Variants in GALNT18 observed in about 807,000 individuals in gnomAD.
The protein encoded by GALNT18 is GalNAc-transferase 18.
In GALNT18, 44 loss-of-function variants were observed where a neutral mutation model predicts 69.5. That is an observed-to-expected ratio of 0.63 (90% confidence interval 0.50 to 0.81). GALNT18 has a LOEUF of 0.81. GALNT18 is among the 40% of genes least tolerant of loss of function. The probability of loss-of-function intolerance (pLI) is 0.00; values close to 1 mark genes in which losing one functional copy is unlikely to be tolerated. For missense variants in GALNT18, 715 were observed against 810.0 expected (o/e 0.88, Z 1.42); for synonymous variants, 364 against 318.2 (o/e 1.14, Z -1.53).
intron 1 of GALNT18, among the ~76,000 whole-genome samples, chr11:11,567,718 T>C (rs555187772): frequency 7.7e-4 from 118 of 152,318 alleles, no homozygotes; most frequent in African/African-American, 2.8e-3. Context: ...CCACAAGGGA[T>C]ACATGGCATT....
intron 9 of GALNT18, among the ~76,000 whole-genome samples, chr11:11,326,107 C>A (rs569499977): frequency 7.0e-6 from 1 of 142,704 alleles, no homozygotes; most frequent in African/African-American, 2.6e-5. Context: ...TGCAGTAGTG[C>A]GATCTCAGCT....
chr11:11,544,061 G>T (rs1309346598), intron 1 of GALNT18, among the ~76,000 whole-genome samples: 1 of 152,254 alleles, frequency 6.6e-6, no homozygotes, highest in Admixed American at 6.5e-5. Flanking sequence ...CCCAGGCTGT[G>T]CCAGCCCCTC....
chr11:11,271,058 T>G lies in GALNT18; in HGVS notation c.*86A>C. The stretch of plus-strand genomic sequence containing the variant: ...GGCCCACTAACCTGGTTCCCCAGAC[T>G]CCAAACAACCCCACGTGGACAGCAG... On this transcript the variant is annotated 3_prime_UTR_variant, in exon 11 of 11. Transcript: ENST00000227756. The G allele has an allele frequency of 7.5e-7, 1 of 1,333,802 alleles. No homozygotes were observed. The allele number at this position is 1,333,802 out of a possible 1,614,324, so 82.6% of individuals were successfully genotyped here. A position where few individuals can be genotyped will look rare whatever the true frequency, so the allele number is the denominator to read the frequency against.
chr11:11,548,671 G>A (rs776431432), intron 1 of GALNT18, among the ~76,000 whole-genome samples: 1 of 152,240 alleles, frequency 6.6e-6, no homozygotes, highest in Non-Finnish European at 1.5e-5. Flanking sequence ...TCTGAATGCA[G>A]TAAGCCTCAG....
intron 1 of GALNT18, among the ~76,000 whole-genome samples, chr11:11,467,385 C>T (rs1031357450): frequency 1.3e-5 from 2 of 152,222 alleles, no homozygotes; most frequent in African/African-American, 2.4e-5. Flanking sequence ...CCCTTTCTTA[C>T]CCAGAGCCAG....
rs187013061 is a variant in GALNT18, at chr11:11,538,109, C to A, written c.235+83250G>T. On this transcript the variant is annotated intron_variant, in intron 1 of 10. Coordinates refer to ENST00000227756, the MANE Select transcript of GALNT18 (RefSeq NM_198516.3). The surrounding 1 kb of genome is among the most constrained non-coding windows in gnomAD (Gnocchi z 5.2). Reference sequence around the variant, plus strand: ...CACACCTCTGTGCTGGAGTTATCATCGACCTTGTTTTGCAGAGGGTGAAAT... The same window carrying A: ...CACACCTCTGTGCTGGAGTTATCATAGACCTTGTTTTGCAGAGGGTGAAAT... 6.6e-6 allele frequency among the ~76,000 whole-genome samples: 1 copy of A among 152,188 alleles called. No individual in the cohort carries two copies. Among genetic ancestry groups the A allele is most frequent in the Non-Finnish European group, 1.5e-5 (1 of 68,034 alleles).
chr11:11,475,652 T>G (rs893740916), intron 1 of GALNT18: 3 of 152,260 alleles, frequency 2.0e-5, no homozygotes, highest in Non-Finnish European at 4.4e-5. Flanking sequence ...CCAACAATAC[T>G]GCTAGCCAGC....
intron 3 of GALNT18, among the ~76,000 whole-genome samples, chr11:11,429,618 C>T (rs1022327545): frequency 7.4e-6 from 1 of 134,900 alleles, no homozygotes; most frequent in African/African-American, 3.0e-5. Flanking sequence ...GAGGATTTAT[C>T]ATCTCCATTT....
chr11:11,275,278 C>G (rs1219681998), intron 10 of GALNT18, among the ~76,000 whole-genome samples: 1 of 152,240 alleles, frequency 6.6e-6, no homozygotes, highest in African/African-American at 2.4e-5. Flanking sequence ...TTTTGATTTG[C>G]ATTTCTCTAA....
In GALNT18 at chr11:11,271,150, C is replaced by A. The variant is rs768953394; in HGVS notation, c.1818G>T (p.Ala606=). ...CGGAAGTGGCCCCGGTGGGTCAGGACGCGAGGCTCCTCAGGACGTTGGTGA... is the reference window on the plus strand; with the variant it reads ...CGGAAGTGGCCCCGGTGGGTCAGGAAGCGAGGCTCCTCAGGACGTTGGTGA... The part of the protein sequence containing the change: ...WSITNVLRSL[A]S The change falls in exon 11 of 11, where the codon GCG becomes GCT. Residue 606 remains alanine (A), a synonymous_variant. Coordinates refer to ENST00000227756, the MANE Select transcript of GALNT18 (RefSeq NM_198516.3). The A allele has an allele frequency of 6.2e-7, 1 of 1,611,180 alleles. No individual in the cohort carries two copies. The highest frequency in any genetic ancestry group is 8.5e-7 in the Non-Finnish European group (1 of 1,177,688).
chr11:11,557,083 C>T (rs1411640927), intron 1 of GALNT18, among the ~76,000 whole-genome samples: 2 of 152,156 alleles, frequency 1.3e-5, no homozygotes, highest in African/African-American at 2.4e-5. Context: ...CACTGGATGG[C>T]CCTATGAGGT....
intron 5 of GALNT18, among the ~76,000 whole-genome samples, chr11:11,376,150 A>AGGC (rs1170673969): frequency 6.6e-6 from 1 of 152,172 alleles, no homozygotes; most frequent in East Asian, 1.9e-4. Flanking sequence ...TGGGAGGCCG[A>AGGC]GGCGGGTAGA....
chr11:11,525,569 A>G (rs1332401146), intron 1 of GALNT18, among the ~76,000 whole-genome samples: 1 of 150,884 alleles, frequency 6.6e-6, no homozygotes, highest in Non-Finnish European at 1.5e-5. Context: ...AGTTGTGGAT[A>G]TGGAGGAGGT....
At position 11,430,877 on chromosome 11, in the gene GALNT18, C is replaced by A. The variant is rs1855248786; in HGVS notation, c.595+1744G>T. Among the ~76,000 whole-genome samples, 1 of 152,206 alleles carries A rather than the reference C, an allele frequency of 6.6e-6. No homozygotes were observed. Among genetic ancestry groups the A allele is most frequent in the African/African-American group, 2.4e-5 (1 of 41,460 alleles). ...CTTTTCCCCCGCCAATATAATAAAG[C>A]ATGACCAAATTCCTCCATTGCCCAA... On this transcript the variant is annotated intron_variant, in intron 3 of 10. Transcript: ENST00000227756. The surrounding 1 kb of genome is among the most constrained non-coding windows in gnomAD (Gnocchi z 4.9).
chr11:11,437,100 C>T (rs1564948975), intron 2 of GALNT18, among the ~76,000 whole-genome samples: 1 of 152,166 alleles, frequency 6.6e-6, no homozygotes, highest in Non-Finnish European at 1.5e-5. Flanking sequence ...TCTGCCTCTG[C>T]ACTTGCCTCT....
intron 7 of GALNT18, among the ~76,000 whole-genome samples, chr11:11,333,170 A>G (rs988361277): frequency 1.3e-5 from 2 of 151,946 alleles, no homozygotes; most frequent in Admixed American, 6.6e-5. Flanking sequence ...TCCCTACCTC[A>G]AGAGGCAAGA....
rs1487831225 is a variant in GALNT18, at chr11:11,584,012, C to T, written c.235+37347G>A. On this transcript the variant is annotated intron_variant, in intron 1 of 10. Coordinates refer to ENST00000227756, the MANE Select transcript of GALNT18 (RefSeq NM_198516.3). The surrounding 1 kb of genome is among the most constrained non-coding windows in gnomAD (Gnocchi z 4.1). ...GAATTCTTGTGAGGACATAGGAATTCGAAAAGGAATGGCATCATGAGCTGG... is the reference window on the plus strand; with the variant it reads ...GAATTCTTGTGAGGACATAGGAATTTGAAAAGGAATGGCATCATGAGCTGG... Among the ~76,000 whole-genome samples the T allele has an allele frequency of 6.6e-6, 1 of 151,876 alleles. No homozygotes were observed. Among genetic ancestry groups the T allele is most frequent in the East Asian group, 1.9e-4 (1 of 5,180 alleles).
rs756047501 is a variant in GALNT18 at position 11,387,502 on chromosome 11, A to T, written c.596-8238T>A. Among the ~76,000 whole-genome samples, 4 of 152,168 alleles carry T rather than the reference A, an allele frequency of 2.6e-5. No homozygotes were observed. The highest frequency in any genetic ancestry group is 7.2e-5 in the African/African-American group (3 of 41,432). On this transcript the variant is annotated intron_variant, in intron 3 of 10. Transcript: ENST00000227756. The surrounding 1 kb of genome is among the most constrained non-coding windows in gnomAD (Gnocchi z 4.6). ...AAGTGCAATTAATTGCTTGTCTCCA[A>T]TGGTGCTAATTTAAAGATTAAAAGT...
chr11:11,378,098 G>T (rs957564335), intron 4 of GALNT18, among the ~76,000 whole-genome samples: 1 of 152,232 alleles, frequency 6.6e-6, no homozygotes, highest in Non-Finnish European at 1.5e-5. Context: ...TAAATCCAAA[G>T]AAAATGCTGT....
Sources: allele counts gnomAD v4.1 joint callset (sites outside exome capture counted in the v4.1 genomes callset), GRCh38; gene constraint gnomAD v4.1.1; non-coding constraint Gnocchi (gnomAD v3.1); transcripts MANE v1.5; gene names NCBI Gene and HGNC (gene_info 2026-07-23, HGNC 2026-07-21).